Variants in APC observed in about 807,000 individuals in gnomAD.
The protein encoded by APC is APC regulator of Wnt signaling pathway.
In APC, 72 loss-of-function variants were observed where a neutral mutation model predicts 247.0. The observed-to-expected ratio is 0.29, with a 90% CI of 0.24 to 0.35. The LOEUF is 0.35. Among genes scored for constraint, APC ranks in the 10% least tolerant of loss-of-function variants. The pLI is 1.00. For missense variants in APC, 3,400 were observed against 3,360.7 expected (o/e 1.01, Z -0.29); for synonymous variants, 1,254 against 1,162.5 (o/e 1.08, Z -1.60).
At chr5:112,749,580 C>T (rs1381000423) in intron 1 of APC, among the ~76,000 whole-genome samples, 10 of 150,820 alleles carry the variant, frequency 6.6e-5, no homozygotes, top group African/African-American at 2.0e-4. Flanking sequence ...CTCCACCTCC[C>T]GTGTTCAAGC....
rs183521679 is a variant in APC at position 112,784,563 on chromosome 5, A to G, written c.645+3660A>G. ...TATTTTAAATTATTAAATGAATAGT[A>G]TGCAAGCTATTATAAAATACCATAC... On this transcript the variant is annotated intron_variant, in intron 6 of 15. Coordinates refer to ENST00000257430, the MANE Select transcript of APC (RefSeq NM_000038.6). 9.2e-4 allele frequency among the ~76,000 whole-genome samples: 140 copies of G among 152,308 alleles called. 1 individual carries two copies. Among genetic ancestry groups the G allele is most frequent in the Non-Finnish European group, 1.3e-4 (9 of 68,028 alleles).
At chr5:112,776,359 T>G (rs905578484) in intron 5 of APC, among the ~76,000 whole-genome samples, 51 of 152,196 alleles carry the variant, frequency 3.4e-4, no homozygotes, top group Non-Finnish European at 6.9e-4. Flanking sequence ...ATGAATGTGT[T>G]GGAGTAAAGA....
Position 112,843,876 on chromosome 5 carries a change from C to T in APC, c.8282C>T (p.Pro2761Leu), listed in dbSNP as rs757874563. The T allele has an allele frequency of 2.5e-6, 4 of 1,613,908 alleles. No homozygotes were observed. In the Admixed American group the frequency reaches 5.0e-5, roughly 20 times the overall value. Residue 2761 changes from proline (P) to leucine (L), a missense_variant, in exon 16 of 16, where the codon CCA becomes CTA. By Grantham distance (98) the Pro-to-Leu change is moderately conservative. Transcript: ENST00000257430. The surrounding 1 kb of genome is among the most constrained non-coding windows in gnomAD (Gnocchi z 4.8). Reference protein sequence around the residue: ...TNESSIVERTPFSSSSSSKHS... With the variant: ...TNESSIVERTLFSSSSSSKHS... ...GAAAGTTCTATAGTGGAACGTACCCCATTCAGTTCTAGCAGCTCAAGCAAA... is the reference window on the plus strand; with the variant it reads ...GAAAGTTCTATAGTGGAACGTACCCTATTCAGTTCTAGCAGCTCAAGCAAA...
intron 7 of APC, among the ~76,000 whole-genome samples, chr5:112,794,465 C>T (rs1234878903): frequency 2.0e-5 from 3 of 152,136 alleles, no homozygotes; most frequent in Non-Finnish European, 4.4e-5. Context: ...CAGTTGGGTT[C>T]AATTTTGATC....
intron 6 of APC, 60 bp from the exon 7 acceptor site, chr5:112,792,382 ATGAT>A: frequency 9.0e-7 from 1 of 1,106,056 alleles, no homozygotes; most frequent in South Asian, 1.4e-5. Flanking sequence ...TAGCCATAGT[ATGAT>A]TATTTCTATT....
chr5:112,803,059 T>C (rs773893356), intron 8 of APC, among the ~76,000 whole-genome samples: 1 of 152,142 alleles, frequency 6.6e-6, no homozygotes, highest in East Asian at 1.9e-4. Flanking sequence ...AATCATGATA[T>C]ATAAATACAA....
rs772397468 is a variant in APC, at chr5:112,842,255, A to T, written c.6661A>T (p.Met2221Leu). ...GQMKQPLQAN[M>L]PSISRGRTMI... ...AATGAAACAGCCCCTTCAAGCAAAC[A>T]TGCCTTCAATCTCTCGAGGCAGGAC... Residue 2221 changes from methionine to leucine, a missense_variant, in exon 16 of 16, where the codon ATG (methionine) becomes TTG (leucine). Met to Leu is a conservative substitution (Grantham distance 15). This residue lies in a region of APC where 1,788 missense variants were observed against 1,649.5 expected (regional missense o/e 1.08). Transcript: ENST00000257430. 1.9e-6 allele frequency: 3 copies of T among 1,614,076 alleles called. No individual in the cohort carries two copies. Among genetic ancestry groups the T allele is most frequent in the Non-Finnish European group, 2.5e-6 (3 of 1,179,914 alleles).
At chr5:112,775,506 G>C (rs2149613029) in intron 4 of APC, 123 bp from the exon 5 acceptor site, 1 of 579,574 alleles carries the variant, frequency 1.7e-6, no homozygotes, top group East Asian at 2.9e-5. Context: ...TAAATTTTTT[G>C]AGTAATTCAT....
intron 14 of APC, among the ~76,000 whole-genome samples, chr5:112,832,866 C>G (rs1580592627): frequency 6.6e-6 from 1 of 152,180 alleles, no homozygotes; most frequent in African/African-American, 2.4e-5. Flanking sequence ...AAGCAAATTG[C>G]TAACACCTTC....
At chr5:112,766,562 A>C in intron 3 of APC, 152 bp downstream of exon 3, 1 of 605,410 alleles carries the variant, frequency 1.7e-6, no homozygotes, top group African/African-American at 1.9e-5. Context: ...TTGTTAAAGT[A>C]CAAATAAATA....
chr5:112,799,255 C>G (rs564373010), intron 7 of APC, among the ~76,000 whole-genome samples: 2 of 151,676 alleles, frequency 1.3e-5, no homozygotes, highest in East Asian at 3.9e-4. Flanking sequence ...TGATCTGTTC[C>G]TCCTAAGCCC....
At position 112,844,097 on chromosome 5, in the gene APC, T is replaced by G; in HGVS notation, c.8503T>G (p.Ser2835Ala). The change falls in exon 16 of 16, where the codon TCT becomes GCT. Residue 2835 changes from serine (S) to alanine (A), a missense_variant. By Grantham distance (99) the Ser-to-Ala change is moderately conservative. This residue lies in a region of APC where 1,788 missense variants were observed against 1,649.5 expected (regional missense o/e 1.08). Transcript: ENST00000257430. ...SSGTQSPKRH[S>A]GSYLVTSV ...TGGAACCCAAAGTCCTAAGCGCCATTCTGGGTCTTACCTTGTGACATCTGT... is the reference window on the plus strand; with the variant it reads ...TGGAACCCAAAGTCCTAAGCGCCATGCTGGGTCTTACCTTGTGACATCTGT... 1 of 1,612,428 alleles carries G rather than the reference T, an allele frequency of 6.2e-7. No homozygotes were observed. The highest frequency in any genetic ancestry group is 1.1e-5 in the South Asian group (1 of 90,582).
chr5:112,713,194 C>G (rs1377247521), intron 1 of APC, among the ~76,000 whole-genome samples: 1 of 149,216 alleles, frequency 6.7e-6, no homozygotes, highest in Non-Finnish European at 1.5e-5. Context: ...AAACCAGTAT[C>G]TCACATAAAA....
intron 4 of APC, among the ~76,000 whole-genome samples, chr5:112,772,984 C>G (rs146348472): frequency 3.2e-4 from 48 of 152,154 alleles, no homozygotes; most frequent in African/African-American, 1.1e-3. Context: ...GTTGTGGTAC[C>G]CAGCTGTGAA....
chr5:112,737,805 C>G (rs901512831), upstream of APC: 2 of 978,564 alleles, frequency 2.0e-6, no homozygotes, highest in South Asian at 9.5e-5. Flanking sequence ...TCCCCATTCC[C>G]GTCGGGAGCC....
At chr5:112,816,686 G>C (rs1221546774) in intron 9 of APC, among the ~76,000 whole-genome samples, 2 of 151,240 alleles carry the variant, frequency 1.3e-5, no homozygotes, top group Non-Finnish European at 2.9e-5. Context: ...CCAGCTACTC[G>C]GGAGGCTGAG....
At chr5:112,818,935 A>T (rs2149778303) in intron 9 of APC, 31 bp from the exon 10 acceptor site, 1 of 1,605,794 alleles carries the variant, frequency 6.2e-7, no homozygotes, top group Non-Finnish European at 8.5e-7. Flanking sequence ...TTAAAGTCGT[A>T]ATTTTGTTTC....
intron 8 of APC, among the ~76,000 whole-genome samples, chr5:112,812,532 T>C (rs2149751301): frequency 6.6e-6 from 1 of 152,326 alleles, no homozygotes; most frequent in East Asian, 1.9e-4. Context: ...GACCCTTGCT[T>C]ATGCCTCTGC....
At chr5:112,834,513 G>A (rs1157996585) in intron 14 of APC, among the ~76,000 whole-genome samples, 2 of 151,924 alleles carry the variant, frequency 1.3e-5, no homozygotes, top group Non-Finnish European at 2.9e-5. Context: ...AAAGTGCTGG[G>A]ATTACAGGCA....
Sources: allele counts gnomAD v4.1 joint callset (sites outside exome capture counted in the v4.1 genomes callset), GRCh38; gene constraint gnomAD v4.1.1; regional missense constraint gnomAD v4.1.1; non-coding constraint Gnocchi (gnomAD v3.1); transcripts MANE v1.5; gene names NCBI Gene and HGNC (gene_info 2026-07-23, HGNC 2026-07-21).